The following DSP variants were observed in gnomAD, a reference collection of about 807,000 sequenced individuals.
DSP encodes 250/210 kDa paraneoplastic pemphigus antigen.
Under a neutral mutation model 290.6 loss-of-function variants are expected in DSP, and 114 were observed. That is an observed-to-expected ratio of 0.39 (90% CI 0.34 to 0.46). The LOEUF (loss-of-function observed/expected upper bound fraction) is 0.46. Among genes scored for constraint, DSP ranks in the 20% least tolerant of loss-of-function variants. The pLI is 0.99. For missense variants in DSP, 3,230 were observed against 3,495.8 expected, an observed-to-expected ratio of 0.92 and a Z score of 1.92; for synonymous variants, 1,311 against 1,316.4, an observed-to-expected ratio of 1.00 and a Z score of 0.09.
At position 7,584,844 on chromosome 6, in the gene DSP, T is replaced by C; in HGVS notation, c.7582T>C (p.Tyr2528His). Residue 2528 changes from tyrosine (Y) to histidine (H), a missense_variant, in exon 24 of 24, where the codon TAT (tyrosine) becomes CAT (histidine). Tyr to His is a moderately conservative substitution (Grantham distance 83). Around this residue, in one of 5 missense-constraint regions of DSP, gnomAD observed 582 missense variants for 555.4 expected, o/e 1.05. Transcript: ENST00000379802. The surrounding 1 kb of genome is among the most constrained non-coding windows in gnomAD (Gnocchi z 6.4). ...GGTAGATAGAAAGACAGGCAGTCAG[T>C]ATGATATTCAAGATGCTATTGACAA... The part of the protein sequence containing the change: ...VLVDRKTGSQ[Y>H]DIQDAIDKGL... 2 of 1,614,148 alleles carry C rather than the reference T, an allele frequency of 1.2e-6. No homozygotes were observed. The highest frequency in any genetic ancestry group is 1.3e-5 in the African/African-American group (1 of 75,016).
intron 14 of DSP, 28 bp downstream of exon 14, chr6:7,571,612 A>T: frequency 1.2e-6 from 2 of 1,613,498 alleles, no homozygotes; most frequent in Non-Finnish European, 1.7e-6. Flanking sequence ...TTCTCTTTGT[A>T]TCAACCATCC....
chr6:7,578,384 GAAAACAA>G, intron 21 of DSP, 73 bp from the exon 22 acceptor site: 1 of 1,209,082 alleles, frequency 8.3e-7, no homozygotes, highest in Non-Finnish European at 1.2e-6. Flanking sequence ...CACTATTTTA[GAAAACAA>G]AATCGGTCAA....
At position 7,567,963 on chromosome 6, in the gene DSP, A is replaced by G. The variant is rs530728495; in HGVS notation, c.1266+57A>G. On this transcript the variant is annotated intron_variant, in intron 10 of 23. Coordinates refer to ENST00000379802, the MANE Select transcript of DSP (RefSeq NM_004415.4). ...GTGCCTGATCAGGGAGATAAAACAC[A>G]TGCCTTGGATGCAGTTGGCTCTGAT... 161 of 1,603,280 alleles carry G rather than the reference A, an allele frequency of 1.0e-4. 1 individual carries two copies. Among genetic ancestry groups the G allele is most frequent in the East Asian group, 8.3e-4 (37 of 44,634 alleles).
intron 19 of DSP, 140 bp downstream of exon 19, chr6:7,576,596 G>A: frequency 9.1e-7 from 1 of 1,104,312 alleles, no homozygotes; most frequent in Non-Finnish European, 1.3e-6. Context: ...AAGGCTTAAA[G>A]AATGCCCAGA....
chr6:7,566,225 A>G, intron 7 of DSP, 152 bp from the exon 8 acceptor site: 1 of 705,112 alleles, frequency 1.4e-6, no homozygotes, highest in Non-Finnish European at 2.5e-6. Flanking sequence ...CAGCCTTAAA[A>G]ATGCTGTGAT....
chr6:7,576,502 G>A, intron 19 of DSP, 46 bp downstream of exon 19: 1 of 1,610,206 alleles, frequency 6.2e-7, no homozygotes, highest in Non-Finnish European at 8.5e-7. Context: ...GATTAATTGG[G>A]TGTAATTCAT....
At position 7,584,667 on chromosome 6, in the gene DSP, G is replaced by A; in HGVS notation, c.7405G>A (p.Val2469Ile). ...CCTCAGGAAGCGTAGAGTGGTCATA[G>A]TTGACCCAGAAACCAATAAAGAAAT... The part of the protein sequence containing the change: ...NTLRKRRVVI[V>I]DPETNKEMSV... The change falls in exon 24 of 24, where the codon GTT becomes ATT. Residue 2469 changes from valine (V) to isoleucine (I), a missense_variant. Around this residue, in one of 5 missense-constraint regions of DSP, gnomAD observed 582 missense variants for 555.4 expected, o/e 1.05. Transcript: ENST00000379802. The surrounding 1 kb of genome is among the most constrained non-coding windows in gnomAD (Gnocchi z 6.4). The A allele has an allele frequency of 6.2e-7, 1 of 1,614,086 alleles. No individual in the cohort carries two copies. Among genetic ancestry groups the A allele is most frequent in the Non-Finnish European group, 8.5e-7 (1 of 1,179,958 alleles).
intron 2 of DSP, among the ~76,000 whole-genome samples, chr6:7,556,275 T>C (rs1004329082): frequency 2.0e-5 from 3 of 151,852 alleles, no homozygotes; most frequent in African/African-American, 7.3e-5. Context: ...TGGGGAAAAA[T>C]AGGCAATGGA....
chr6:7,573,464 G>A (rs540290666), intron 15 of DSP, among the ~76,000 whole-genome samples: 1 of 152,156 alleles, frequency 6.6e-6, no homozygotes, highest in African/African-American at 2.4e-5. Context: ...TGTAATCTCA[G>A]CTACTCAGGA....
intron 17 of DSP, among the ~76,000 whole-genome samples, 199 bp downstream of exon 17, chr6:7,574,994 C>T (rs1230315623): frequency 1.3e-5 from 2 of 152,100 alleles, no homozygotes; most frequent in African/African-American, 2.4e-5. Flanking sequence ...GAAAGTAATT[C>T]GTGATGGGAT....
chr6:7,576,338 G>A lies in DSP; in HGVS notation c.2675G>A (p.Arg892His), dbSNP rs758592774. ...CAAATCAAGCAATTGAGGAATTATC[G>A]TGATAACTATCAGGCTTTCTGCAAG... Reference protein sequence around the residue: ...EKQIKQLRNYRDNYQAFCKWL... With the variant: ...EKQIKQLRNYHDNYQAFCKWL... Residue 892 changes from arginine (R) to histidine (H), a missense_variant, in exon 19 of 24, where the codon CGT (arginine) becomes CAT (histidine). Physicochemically the swap from Arg to His is conservative, Grantham distance 29 (BLOSUM62 0). Transcript: ENST00000379802. The A allele has an allele frequency of 1.2e-5, 19 of 1,613,942 alleles. No homozygotes were observed. The highest frequency in any genetic ancestry group is 2.7e-5 in the African/African-American group (2 of 74,912).
intron 23 of DSP, among the ~76,000 whole-genome samples, chr6:7,581,794 G>T (rs1759447911): frequency 6.6e-6 from 1 of 152,006 alleles, no homozygotes; most frequent in Non-Finnish European, 1.5e-5. Context: ...CTGATCTCTG[G>T]GTAGCCTGTG....
Position 7,580,956 on chromosome 6 carries a change from G to A in DSP, c.4766G>A (p.Cys1589Tyr), listed in dbSNP as rs1315427403. 6.2e-7 allele frequency: 1 copy of A among 1,614,128 alleles called. No individual in the cohort carries two copies. Among genetic ancestry groups the A allele is most frequent in the Non-Finnish European group, 8.5e-7 (1 of 1,180,018 alleles). ...RLKRTASEDSCKRKKLEEELE... is the reference protein window; with the variant it reads ...RLKRTASEDSYKRKKLEEELE... ...AAGAGGACCGCGTCAGAAGACTCCT[G>A]CAAGAGGAAGAAGCTGGAGGAAGAG... The change falls in exon 23 of 24, where the codon TGC becomes TAC. Residue 1589 changes from cysteine to tyrosine, a missense_variant. Transcript: ENST00000379802. The surrounding 1 kb of genome is among the most constrained non-coding windows in gnomAD (Gnocchi z 4.2).
At chr6:7,561,627 C>T (rs540443676) in intron 4 of DSP, among the ~76,000 whole-genome samples, 1 of 152,346 alleles carries the variant, frequency 6.6e-6, no homozygotes, top group African/African-American at 2.4e-5. Flanking sequence ...TAATGTCCCA[C>T]TGCACGCACC....
At chr6:7,548,657 T>A (rs1452795909) in intron 1 of DSP, among the ~76,000 whole-genome samples, 1 of 152,196 alleles carries the variant, frequency 6.6e-6, no homozygotes, top group Non-Finnish European at 1.5e-5. Context: ...GAGTACTGTT[T>A]CTGTAGCTGC....
In DSP at chr6:7,580,451, G is replaced by C; in HGVS notation, c.4261G>C (p.Glu1421Gln). ...GAAGAACACTCTAACCCAGACCACA[G>C]AGAATCTCAGGAGGGTGGAAGAAGA... ...RLKNTLTQTTENLRRVEEDIQ... is the reference protein window; with the variant it reads ...RLKNTLTQTTQNLRRVEEDIQ... Residue 1421 changes from glutamate (E) to glutamine (Q), a missense_variant, in exon 23 of 24, where the codon GAG becomes CAG. This residue lies in a region of DSP where 1,714 missense variants were observed against 1,844.5 expected (regional missense o/e 0.93). Transcript: ENST00000379802. This position sits in a 1 kb window ranked among gnomAD's most constrained non-coding sequence, Gnocchi z 4.2. The C allele has an allele frequency of 6.2e-7, 1 of 1,614,102 alleles. No homozygotes were observed. The highest frequency in any genetic ancestry group is 8.5e-7 in the Non-Finnish European group (1 of 1,180,018).
chr6:7,579,650 G>C lies in DSP; in HGVS notation c.3460G>C (p.Gly1154Arg). 6.2e-7 allele frequency: 1 copy of C among 1,613,960 alleles called. No homozygotes were observed. Among genetic ancestry groups the C allele is most frequent in the Non-Finnish European group, 8.5e-7 (1 of 1,179,996 alleles). ...AAGGCAATGTGAAAAGGAGAACCTT[G>C]GTTGGCAGAAATTAGAGTCTGAGAA... ...KARQCEKENL[G>R]WQKLESEKAI... Residue 1154 changes from glycine to arginine, a missense_variant, in exon 23 of 24, where the codon GGT becomes CGT. By Grantham distance (125) the Gly-to-Arg change is moderately radical. Transcript: ENST00000379802. This position sits in a 1 kb window ranked among gnomAD's most constrained non-coding sequence, Gnocchi z 4.1.
chr6:7,585,238 GCAT>G lies in DSP; in HGVS notation c.7981_7983del (p.Ile2661del). 6.2e-7 allele frequency: 1 copy of G among 1,614,150 alleles called. No individual in the cohort carries two copies. Among genetic ancestry groups the G allele is most frequent in the African/African-American group, 1.3e-5 (1 of 75,044 alleles). On this transcript the variant is annotated inframe_deletion, in exon 24 of 24. Transcript: ENST00000379802. ...CTGGAGGCTCAGGCCTGCACAGGTG[GCAT>G]CATCCACCCAACCACGGGCCAGAAG...
At position 7,578,476 on chromosome 6, in the gene DSP, C is replaced by T; in HGVS notation, c.2998C>T (p.His1000Tyr). ...CCTTTTCTCCAAGGCTGCAGATGTTCATGCTCGGTACATTGAACTACTTAC... is the reference window on the plus strand; with the variant it reads ...CCTTTTCTCCAAGGCTGCAGATGTTTATGCTCGGTACATTGAACTACTTAC... ...GVILQEAADV[H>Y]ARYIELLTRS... Residue 1000 changes from histidine to tyrosine, a missense_variant, in exon 22 of 24, where the codon CAT (histidine) becomes TAT (tyrosine). Physicochemically the swap from His to Tyr is moderately conservative, Grantham distance 83. Transcript: ENST00000379802. 6.2e-7 allele frequency: 1 copy of T among 1,613,492 alleles called. No homozygotes were observed. The highest frequency in any genetic ancestry group is 1.7e-4 in the Middle Eastern group (1 of 6,058).
Sources: gnomAD v4.1 joint callset for allele counts (sites outside exome capture counted in the v4.1 genomes callset) on GRCh38, gnomAD v4.1.1 for gene constraint, gnomAD v4.1.1 regional missense constraint, Gnocchi (gnomAD v3.1) non-coding constraint, MANE v1.5 for transcripts, NCBI Gene and HGNC (gene_info 2026-07-23, HGNC 2026-07-21) for gene names.